Variants in SLC2A10 observed in about 807,000 individuals in gnomAD.
SLC2A10 encodes solute carrier family 2, facilitated glucose transporter member 10.
A neutral mutation model predicts 32.1 loss-of-function variants in SLC2A10; 25 were observed. The observed-to-expected ratio is 0.78, with a 90% CI of 0.57 to 1.09. SLC2A10 has a LOEUF of 1.09. Among genes scored for constraint, SLC2A10 ranks in the 50% least tolerant of loss-of-function variants. The pLI is 0.00. For missense variants in SLC2A10, 673 were observed against 686.5 expected, an observed-to-expected ratio of 0.98 and a Z score of 0.22; for synonymous variants, 332 against 309.6, an observed-to-expected ratio of 1.07 and a Z score of -0.76.
chr20:46,726,380 A>G lies in SLC2A10; in HGVS notation c.1288+56A>G, dbSNP rs1393507309. 2.5e-6 allele frequency: 4 copies of G among 1,585,324 alleles called. No individual in the cohort carries two copies. The South Asian group carries it at 3.4e-5, about 13-fold the overall frequency. On this transcript the variant is annotated intron_variant, in intron 2 of 4. Coordinates refer to ENST00000359271, the MANE Select transcript of SLC2A10 (RefSeq NM_030777.4). ...GAGACTTCTACCCCTCCTAGGGGGA[A>G]GTTTGGGGACTTCCCACCCTGATGA...
intron 1 of SLC2A10, among the ~76,000 whole-genome samples, chr20:46,713,894 A>G (rs1181149534): frequency 6.6e-6 from 1 of 152,142 alleles, no homozygotes; most frequent in Non-Finnish European, 1.5e-5. Flanking sequence ...CTCATAAAGG[A>G]ACTTGCAGTG....
At chr20:46,708,709 C>G (rs905013479), upstream of SLC2A10, among the ~76,000 whole-genome samples, 2 of 152,202 alleles carry the variant, frequency 1.3e-5, no homozygotes, top group Admixed American at 1.3e-4. Flanking sequence ...CCCCAGTTAT[C>G]TGTCCTGCTG....
In SLC2A10 at chr20:46,725,353, C is replaced by G. The variant is rs144095826; in HGVS notation, c.317C>G (p.Ala106Gly). 1.8e-4 allele frequency: 288 copies of G among 1,614,134 alleles called. No homozygotes were observed. Among genetic ancestry groups the G allele is most frequent in the Middle Eastern group, 3.3e-4 (2 of 6,060 alleles). The change falls in exon 2 of 5, where the codon GCT becomes GGT. Residue 106 changes from alanine (A) to glycine (G), a missense_variant. Ala to Gly is a moderately conservative substitution (Grantham distance 60). Transcript: ENST00000359271. The part of the protein sequence containing the change: ...GSLAWLVLGR[A>G]VVGFAISLSS... ...CTGGCCTGGCTGGTCCTGGGCCGCG[C>G]TGTGGTTGGCTTCGCCATTTCCCTC...
intron 1 of SLC2A10, among the ~76,000 whole-genome samples, chr20:46,718,672 A>G (rs1979385819): frequency 6.6e-6 from 1 of 151,998 alleles, no homozygotes; most frequent in Non-Finnish European, 1.5e-5. Flanking sequence ...TTTATCCTCA[A>G]TTATTCAAGA....
At chr20:46,715,233 CGTTTGTTT>C (rs11472342) in intron 1 of SLC2A10, among the ~76,000 whole-genome samples, 3 of 151,138 alleles carry the variant, frequency 2.0e-5, no homozygotes, top group South Asian at 2.1e-4. Context: ...TTTTATTTCA[CGTTTGTTT>C]GTTTGTTTGT....
upstream of SLC2A10, among the ~76,000 whole-genome samples, chr20:46,708,662 G>T (rs949218084): frequency 1.6e-4 from 24 of 152,210 alleles, no homozygotes; most frequent in African/African-American, 5.8e-4. Flanking sequence ...TCCCAGGTGG[G>T]AAGGCTGAGT....
chr20:46,730,211 G>A (rs1456934301), intron 4 of SLC2A10, among the ~76,000 whole-genome samples: 1 of 152,168 alleles, frequency 6.6e-6, no homozygotes, highest in African/African-American at 2.4e-5. Flanking sequence ...TATTTATTAA[G>A]TCCTTACTCT....
At chr20:46,716,607 T>C (rs1340787521) in intron 1 of SLC2A10, among the ~76,000 whole-genome samples, 1 of 152,162 alleles carries the variant, frequency 6.6e-6, no homozygotes, top group African/African-American at 2.4e-5. Flanking sequence ...AATATATAAA[T>C]TTAAGTGTGT....
At chr20:46,724,559 T>G (rs1418332187) in intron 1 of SLC2A10, among the ~76,000 whole-genome samples, 1 of 151,720 alleles carries the variant, frequency 6.6e-6, no homozygotes, top group Non-Finnish European at 1.5e-5. Context: ...GTTGAATAGA[T>G]GGAGTGGATG....
At position 46,735,541 on chromosome 20, in the gene SLC2A10, C is replaced by T. The variant is rs1196330203; in HGVS notation, c.*1707C>T. The T allele has an allele frequency of 1.3e-5, 2 of 152,170 alleles. No individual in the cohort carries two copies. The highest frequency in any genetic ancestry group is 2.9e-5 in the Non-Finnish European group (2 of 68,036). The allele number at this position is 152,170 out of a possible 1,614,324, so 9.4% of individuals were successfully genotyped here. ...TTGAGGCTATTTCTACATAGTAACT[C>T]TTATGGAGACCTAGGGGAGACACCG... On this transcript the variant is annotated 3_prime_UTR_variant, in exon 5 of 5. Coordinates refer to ENST00000359271, the MANE Select transcript of SLC2A10 (RefSeq NM_030777.4).
chr20:46,734,989 C>A lies in SLC2A10; in HGVS notation c.*1155C>A, dbSNP rs1980497605. On this transcript the variant is annotated 3_prime_UTR_variant, in exon 5 of 5. Coordinates refer to ENST00000359271, the MANE Select transcript of SLC2A10 (RefSeq NM_030777.4). ...TTATGTCCCAGGGGTATATTTAGAC[C>A]CTGTTTCCTTTCAGGAGGGTCCCCA... 2 of 152,554 alleles carry A rather than the reference C, an allele frequency of 1.3e-5. No individual in the cohort carries two copies. The highest frequency in any genetic ancestry group is 2.9e-5 in the Non-Finnish European group (2 of 68,042). 9.5% of individuals were successfully genotyped at this position (152,554 alleles called of 1,614,324 possible). A position where few individuals can be genotyped will look rare whatever the true frequency, so the allele number is the denominator to read the frequency against.
chr20:46,708,918 C>T (rs79672095), upstream of SLC2A10, among the ~76,000 whole-genome samples: 1,558 of 152,358 alleles, frequency 0.01, 23 homozygotes, highest in African/African-American at 0.034. Flanking sequence ...CGGATCTCTG[C>T]TCAGATATCC....
In SLC2A10 at chr20:46,726,867, C is replaced by A. The variant is rs772160405; in HGVS notation, c.1292C>A (p.Thr431Asn). The A allele has an allele frequency of 1.9e-6, 3 of 1,597,272 alleles. No homozygotes were observed. Among genetic ancestry groups the A allele is most frequent in the Non-Finnish European group, 8.5e-7 (1 of 1,173,696 alleles). ...CCCTCCTGCTCTCCCACCCTAGTGA[C>A]CTGGCTTGTCCTCAGCGAGATCTAC... ...SAFSFGFGPVTWLVLSEIYPV... is the reference protein window; with the variant it reads ...SAFSFGFGPVNWLVLSEIYPV... Residue 431 changes from threonine (T) to asparagine (N), a missense_variant, in exon 3 of 5, where the codon ACC (threonine) becomes AAC (asparagine). Coordinates refer to ENST00000359271, the MANE Select transcript of SLC2A10 (RefSeq NM_030777.4).
chr20:46,731,606 G>T (rs185076847), intron 4 of SLC2A10, among the ~76,000 whole-genome samples: 1 of 152,148 alleles, frequency 6.6e-6, no homozygotes, highest in African/African-American at 2.4e-5. Context: ...TTACATGGGG[G>T]GAGCCAAGGC....
chr20:46,719,190 A>C (rs1979418997), intron 1 of SLC2A10, among the ~76,000 whole-genome samples: 1 of 152,052 alleles, frequency 6.6e-6, no homozygotes, highest in Non-Finnish European at 1.5e-5. Context: ...GTTGGAAAAA[A>C]AAAATGCTTG....
chr20:46,715,749 G>A (rs1055184913), intron 1 of SLC2A10, among the ~76,000 whole-genome samples: 1 of 152,172 alleles, frequency 6.6e-6, no homozygotes, highest in Non-Finnish European at 1.5e-5. Flanking sequence ...TTTCACCAAG[G>A]TTTTATAATG....
At chr20:46,719,121 G>A (rs1340751024) in intron 1 of SLC2A10, among the ~76,000 whole-genome samples, 2 of 152,048 alleles carry the variant, frequency 1.3e-5, no homozygotes, top group East Asian at 1.9e-4. Context: ...ATATTTGGGC[G>A]GAGGGGGGTG....
Position 46,736,043 on chromosome 20 carries a change from G to A in SLC2A10, c.*2209G>A, listed in dbSNP as rs540174036. Reference sequence around the variant, plus strand: ...AATTTTGTCAAATCATGGCCAAATCGCAGTGATAGTTGACTTTGGATACAA... The same window carrying A: ...AATTTTGTCAAATCATGGCCAAATCACAGTGATAGTTGACTTTGGATACAA... On this transcript the variant is annotated 3_prime_UTR_variant, in exon 5 of 5. Transcript: ENST00000359271. 9 of 151,856 alleles carry A rather than the reference G, an allele frequency of 5.9e-5. No individual in the cohort carries two copies. Among genetic ancestry groups the A allele is most frequent in the African/African-American group, 2.2e-4 (9 of 41,410 alleles). 9.4% of individuals were successfully genotyped at this position (151,856 alleles called of 1,614,324 possible).
rs1386155543 is a variant in SLC2A10, at chr20:46,729,267, G to A, written c.1412-86G>A. The A allele has an allele frequency of 3.8e-6, 6 of 1,566,070 alleles. No homozygotes were observed. In the African/African-American group the frequency reaches 8.1e-5, roughly 21 times the overall value. On this transcript the variant is annotated intron_variant, in intron 3 of 4. Coordinates refer to ENST00000359271, the MANE Select transcript of SLC2A10 (RefSeq NM_030777.4). The stretch of plus-strand genomic sequence containing the variant: ...TGCTTTGAGTGAACTGACTTTCCAT[G>A]CCTGACCTAGAACCTACCAGTTGGC...
Sources: allele counts gnomAD v4.1 joint callset (sites outside exome capture counted in the v4.1 genomes callset), GRCh38; gene constraint gnomAD v4.1.1; transcripts MANE v1.5; gene names NCBI Gene and HGNC (gene_info 2026-07-23, HGNC 2026-07-21).